Variants in REPS2 observed in about 807,000 individuals in gnomAD.
REPS2 encodes the protein ralBP1-associated Eps domain-containing protein 2.
In REPS2, 23 loss-of-function variants were observed where a neutral mutation model predicts 53.6. The ratio of observed to expected loss-of-function variants is 0.43; its 90% CI spans 0.31 to 0.61. REPS2 has a LOEUF of 0.61. REPS2 is among the 20% of genes least tolerant of loss of function. REPS2 has a pLI of 0.11. For synonymous variants in REPS2, 238 were observed against 218.6 expected (o/e 1.09, Z -0.78); for missense variants, 446 against 534.9 (o/e 0.83, Z 1.64).
chrX:16,956,732 C>G (rs761250852), intron 1 of REPS2, among the ~76,000 whole-genome samples: 1 of 112,380 alleles, frequency 8.9e-6, no homozygotes, highest in South Asian at 3.6e-4. Context: ...TTTATCTGGC[C>G]CTCTCAGCTG....
At chrX:16,956,105 T>C (rs1458784410) in intron 1 of REPS2, among the ~76,000 whole-genome samples, 1 of 110,827 alleles carries the variant, frequency 9.0e-6, no homozygotes, top group South Asian at 3.8e-4. Flanking sequence ...ATGCCCTGCC[T>C]GGCTACTCCT....
At position 16,947,064 on chromosome X, in the gene REPS2, C is replaced by G; in HGVS notation, c.203C>G (p.Ala68Gly). 1 of 1,054,461 alleles carries G rather than the reference C, an allele frequency of 9.5e-7. No homozygotes were observed. The highest frequency in any genetic ancestry group is 1.2e-6 in the Non-Finnish European group (1 of 821,678). The allele number at this position is 1,054,461 out of a possible 1,213,427, so 86.9% of individuals were successfully genotyped here. Residue 68 changes from alanine to glycine, a missense_variant, in exon 1 of 18, where the codon GCC becomes GGC. Coordinates refer to ENST00000357277, the MANE Select transcript of REPS2 (RefSeq NM_004726.3). ...GCCGCCAGAGTCGCCCCCGGCACGG[C>G]CACTGCGGCCGCCGGCCCCGTGGCT... ...PEAARVAPGT[A>G]TAAAGPVADL...
intron 6 of REPS2, among the ~76,000 whole-genome samples, chrX:17,050,869 T>G (rs960044618): frequency 9.0e-6 from 1 of 111,608 alleles, no homozygotes; most frequent in African/African-American, 3.3e-5. Flanking sequence ...CCAGTTACAT[T>G]CTTTAAGTTA....
At chrX:16,960,888 T>C (rs1475457052) in intron 1 of REPS2, among the ~76,000 whole-genome samples, 3 of 112,042 alleles carry the variant, frequency 2.7e-5, no homozygotes, top group African/African-American at 9.7e-5. Flanking sequence ...CAGGAATACA[T>C]TTAATGAAGG....
chrX:16,959,583 A>G (rs1174044373), intron 1 of REPS2, among the ~76,000 whole-genome samples: 13 of 111,561 alleles, frequency 1.2e-4, no homozygotes, highest in Non-Finnish European at 2.1e-4. Context: ...AGTGCTTTAT[A>G]ATGTTTGGGG....
At chrX:17,083,500 G>T (rs1333035925) in intron 13 of REPS2, among the ~76,000 whole-genome samples, 1 of 111,837 alleles carries the variant, frequency 8.9e-6, no homozygotes, top group African/African-American at 3.3e-5. Flanking sequence ...GTATAGTTGG[G>T]TAAAACGTCA....
In REPS2 at chrX:17,029,447, G is replaced by C. The variant is rs2061682096; in HGVS notation, c.674-79G>C. 2.2e-5 allele frequency: 15 copies of C among 667,892 alleles called. No homozygotes were observed. In the East Asian group the frequency reaches 4.6e-4, roughly 21 times the overall value. The allele number at this position is 667,892 out of a possible 1,213,427, so 55.0% of individuals were successfully genotyped here. Reference sequence around the variant, plus strand: ...AGTTCTTTCCTGAAAAGCAGATGCTGTATCAGTTTGAATGTGAAGTCATAA... The same window carrying C: ...AGTTCTTTCCTGAAAAGCAGATGCTCTATCAGTTTGAATGTGAAGTCATAA... On this transcript the variant is annotated intron_variant, in intron 4 of 17. Coordinates refer to ENST00000357277, the MANE Select transcript of REPS2 (RefSeq NM_004726.3).
intron 1 of REPS2, among the ~76,000 whole-genome samples, chrX:16,978,964 A>G (rs1486112521): frequency 1.8e-5 from 2 of 111,982 alleles, no homozygotes; most frequent in Non-Finnish European, 3.8e-5. Context: ...AGTGGCTCCT[A>G]GCTTCTAACA....
chrX:17,040,990 G>A (rs1279531151), intron 5 of REPS2, among the ~76,000 whole-genome samples: 1 of 111,638 alleles, frequency 9.0e-6, no homozygotes, highest in Non-Finnish European at 1.9e-5. Flanking sequence ...GGGAACAGCT[G>A]CTATAACAAA....
At chrX:17,196,402 G>T in the REPS2 span, among the ~76,000 whole-genome samples, 1 of 111,088 alleles carries the variant, frequency 9.0e-6, no homozygotes, top group African/African-American at 3.3e-5. Context: ...TAATATGATG[G>T]TATTAAGAGG....
chrX:17,153,399 G>A (rs1205624920), downstream of REPS2: 1 of 112,104 alleles, frequency 8.9e-6, no homozygotes, highest in Non-Finnish European at 1.9e-5. Context: ...AGATTTGGTT[G>A]CTTTTACCTC....
chrX:17,182,272 T>C, the REPS2 span, among the ~76,000 whole-genome samples: 1 of 110,572 alleles, frequency 9.0e-6, no homozygotes, highest in Non-Finnish European at 1.9e-5. Context: ...GTGGCTGACA[T>C]GTTGGAGAAG....
intron 13 of REPS2, among the ~76,000 whole-genome samples, chrX:17,101,056 C>CTT (rs547483010): frequency 7.3e-5 from 7 of 96,483 alleles, no homozygotes; most frequent in Admixed American, 1.1e-4. Context: ...CTTTTTCTTT[C>CTT]TTTTTTTTTT....
intron 1 of REPS2, among the ~76,000 whole-genome samples, chrX:17,000,038 C>T (rs1249520434): frequency 1.2e-5 from 1 of 83,402 alleles, no homozygotes; most frequent in East Asian, 3.6e-4. Flanking sequence ...CAGAGCGAGA[C>T]TCCGTCTCAA....
At chrX:16,970,461 G>T (rs1188626260) in intron 1 of REPS2, among the ~76,000 whole-genome samples, 2 of 112,086 alleles carry the variant, frequency 1.8e-5, no homozygotes, top group Non-Finnish European at 3.8e-5. Flanking sequence ...GCCTCCTGAA[G>T]TGCTGGGATT....
intron 1 of REPS2, among the ~76,000 whole-genome samples, chrX:16,992,662 A>T (rs2061178289): frequency 8.9e-6 from 1 of 111,816 alleles, no homozygotes; most frequent in African/African-American, 3.3e-5. Flanking sequence ...TTCCATGGAG[A>T]CTTCTTGCAG....
chrX:17,041,217 A>C (rs1273453810), intron 5 of REPS2, among the ~76,000 whole-genome samples: 1 of 110,977 alleles, frequency 9.0e-6, no homozygotes, highest in Non-Finnish European at 1.9e-5. Context: ...ACTGGTGCTC[A>C]CATTGCAATG....
chrX:16,968,876 C>G (rs1222734412), intron 1 of REPS2, among the ~76,000 whole-genome samples: 1 of 109,477 alleles, frequency 9.1e-6, no homozygotes, highest in African/African-American at 3.3e-5. Flanking sequence ...GGAGACGTTC[C>G]TCACTTCCCA....
chrX:17,174,171 G>A, the REPS2 span, among the ~76,000 whole-genome samples: 4 of 111,801 alleles, frequency 3.6e-5, no homozygotes, highest in African/African-American at 1.3e-4. Context: ...CCAAAGGCCT[G>A]AACTGCATCC....
Sources: allele counts gnomAD v4.1 joint callset (sites outside exome capture counted in the v4.1 genomes callset), GRCh38; gene constraint gnomAD v4.1.1; transcripts MANE v1.5; gene names NCBI Gene and HGNC (gene_info 2026-07-23, HGNC 2026-07-21).